The following SETBP1 variants were observed in gnomAD, a reference collection of about 807,000 sequenced individuals.
SETBP1 encodes SET binding protein 1.
SETBP1 carries 9 observed loss-of-function variants against 101.0 expected under a neutral mutation model. That is an observed-to-expected ratio of 0.09 (90% CI 0.05 to 0.16). SETBP1 has a LOEUF of 0.16. SETBP1 is among the 10% of genes least tolerant of loss of function. The pLI is 1.00. For synonymous variants in SETBP1, 818 were observed against 788.5 expected, an observed-to-expected ratio of 1.04 and a Z score of -0.63; for missense variants, 1,858 against 2,033.8, an observed-to-expected ratio of 0.91 and a Z score of 1.66.
At chr18:44,729,766 A>G (rs76752357) in intron 2 of SETBP1, among the ~76,000 whole-genome samples, 1 of 152,144 alleles carries the variant, frequency 6.6e-6, no homozygotes, top group East Asian at 1.9e-4. Context: ...ATCTTTGGAG[A>G]TTACAAGCAT....
chr18:45,043,117 T>C (rs1354324515), intron 5 of SETBP1, among the ~76,000 whole-genome samples: 1 of 152,226 alleles, frequency 6.6e-6, no homozygotes, highest in Non-Finnish European at 1.5e-5. Flanking sequence ...GGCTGATTTT[T>C]CTGATTTTCT....
chr18:44,856,795 C>A (rs1443507883), intron 2 of SETBP1, among the ~76,000 whole-genome samples: 8 of 152,292 alleles, frequency 5.3e-5, no homozygotes, highest in South Asian at 2.1e-4. Flanking sequence ...ATGGCCACTG[C>A]TGTTAACATG....
At chr18:44,939,372 T>C (rs1484166371) in intron 3 of SETBP1, among the ~76,000 whole-genome samples, 1 of 125,390 alleles carries the variant, frequency 8.0e-6, no homozygotes, top group African/African-American at 3.0e-5. Flanking sequence ...CTAGCTTCTT[T>C]GGCTCAGCAT....
intron 3 of SETBP1, among the ~76,000 whole-genome samples, chr18:44,919,639 T>A (rs1431592198): frequency 6.6e-6 from 1 of 152,018 alleles, no homozygotes; most frequent in Non-Finnish European, 1.5e-5. Flanking sequence ...TGAGCCACCA[T>A]GCCCGGCTAG....
rs780869551 is a variant in SETBP1 at position 44,952,740 on chromosome 18, C to A, written c.3400C>A (p.Pro1134Thr). Reference sequence around the variant, plus strand: ...TGGTGACATGCAGCCTTCTCTGAACCCTCCCAAGGTAGGCAGTGCCAGTCT... The same window carrying A: ...TGGTGACATGCAGCCTTCTCTGAACACTCCCAAGGTAGGCAGTGCCAGTCT... The part of the protein sequence containing the change: ...GLGDMQPSLN[P>T]PKVGSASLSS... The change falls in exon 4 of 6, where the codon CCT becomes ACT. Residue 1134 changes from proline to threonine, a missense_variant. By Grantham distance (38) the Pro-to-Thr change is conservative. This residue lies in a region of SETBP1 where 417 missense variants were observed against 389.1 expected (regional missense o/e 1.07). Transcript: ENST00000649279. The A allele has an allele frequency of 3.1e-6, 5 of 1,614,088 alleles. No individual in the cohort carries two copies. The East Asian group carries it at 1.1e-4, about 36-fold the overall frequency.
intron 3 of SETBP1, among the ~76,000 whole-genome samples, chr18:44,931,609 G>T (rs2070835797): frequency 6.6e-6 from 1 of 152,290 alleles, no homozygotes; most frequent in East Asian, 1.9e-4. Flanking sequence ...CTTGCTTTAT[G>T]AAGCTGGGTG....
At position 44,874,773 on chromosome 18, in the gene SETBP1, CAG is replaced by C. The variant is rs530830336; in HGVS notation, c.540+5493_540+5494del. Among the ~76,000 whole-genome samples, 1,108 of 152,334 alleles carry C rather than the reference CAG, an allele frequency of 7.3e-3. 9 individuals carry two copies. Among genetic ancestry groups the C allele is most frequent in the African/African-American group, 0.025 (1,037 of 41,582 alleles). ...ACAATTAGTCCTACTCAGAGATCAT[CAG>C]AGGACACAACCATCTGCAGAACAAT... On this transcript the variant is annotated intron_variant, in intron 3 of 5. Coordinates refer to ENST00000649279, the MANE Select transcript of SETBP1 (RefSeq NM_015559.3).
intron 5 of SETBP1, among the ~76,000 whole-genome samples, chr18:45,049,544 C>A (rs1331027133): frequency 6.6e-6 from 1 of 152,130 alleles, no homozygotes; most frequent in Non-Finnish European, 1.5e-5. Flanking sequence ...TCTTTGGGCT[C>A]AGATTTTTAA....
intron 4 of SETBP1, among the ~76,000 whole-genome samples, chr18:44,992,464 G>A (rs2072399498): frequency 6.6e-6 from 1 of 151,798 alleles, no homozygotes; most frequent in Admixed American, 6.5e-5. Flanking sequence ...GCAAGGGGAA[G>A]GATAGAATGC....
At chr18:44,876,322 C>G (rs1568195183) in intron 3 of SETBP1, among the ~76,000 whole-genome samples, 1 of 152,168 alleles carries the variant, frequency 6.6e-6, no homozygotes, top group Admixed American at 6.5e-5. Context: ...AATCCTGCAG[C>G]TGCTGCTTCC....
At chr18:44,845,841 C>T (rs774990221) in intron 2 of SETBP1, among the ~76,000 whole-genome samples, 12 of 152,324 alleles carry the variant, frequency 7.9e-5, no homozygotes, top group Middle Eastern at 3.4e-3. Context: ...GGGAGGGAAT[C>T]GATGTAGAAA....
chr18:45,019,038 A>T (rs2073005756), intron 4 of SETBP1, among the ~76,000 whole-genome samples: 1 of 152,114 alleles, frequency 6.6e-6, no homozygotes, highest in Non-Finnish European at 1.5e-5. Flanking sequence ...CCACCCCACC[A>T]TGTCTTCAAT....
At chr18:44,860,597 A>G (rs1437516194) in intron 2 of SETBP1, among the ~76,000 whole-genome samples, 2 of 152,150 alleles carry the variant, frequency 1.3e-5, no homozygotes, top group Admixed American at 1.3e-4. Context: ...AAAATGTAAA[A>G]TTAGCCAGGC....
intron 4 of SETBP1, among the ~76,000 whole-genome samples, chr18:45,022,734 G>A (rs2145424734): frequency 6.6e-6 from 1 of 152,292 alleles, no homozygotes; most frequent in South Asian, 2.1e-4. Context: ...GGAGGCTGAG[G>A]CAGGAGCATC....
At chr18:44,716,230 T>G (rs2069460591) in intron 2 of SETBP1, among the ~76,000 whole-genome samples, 1 of 152,238 alleles carries the variant, frequency 6.6e-6, no homozygotes, top group Admixed American at 6.5e-5. Flanking sequence ...CCTGCCATTC[T>G]GCAGGAGAGT....
intron 2 of SETBP1, among the ~76,000 whole-genome samples, chr18:44,713,616 C>A (rs1372873121): frequency 6.6e-6 from 1 of 152,200 alleles, no homozygotes; most frequent in South Asian, 2.1e-4. Flanking sequence ...GTAACCTCCT[C>A]TGTTCTAGAC....
chr18:44,849,510 CA>C (rs1228597880), intron 2 of SETBP1, among the ~76,000 whole-genome samples: 1 of 152,146 alleles, frequency 6.6e-6, no homozygotes, highest in African/African-American at 2.4e-5. Flanking sequence ...CCCTATTTGG[CA>C]GGGCACTGAA....
chr18:44,891,399 A>T (rs2069766226), intron 3 of SETBP1, among the ~76,000 whole-genome samples: 1 of 152,138 alleles, frequency 6.6e-6, no homozygotes, highest in African/African-American at 2.4e-5. Context: ...CAGTCAGCAA[A>T]CATTATTAAG....
rs763628124 is a variant in SETBP1, at chr18:44,767,544, C to T, written c.486+65712C>T. On this transcript the variant is annotated intron_variant, in intron 2 of 5. Transcript: ENST00000649279. Reference sequence around the variant, plus strand: ...GGTATTCAGCTTAGGAACTCCTTACCTCCTTAAGATGGTTATATGAAATAC... The same window carrying T: ...GGTATTCAGCTTAGGAACTCCTTACTTCCTTAAGATGGTTATATGAAATAC... 2.0e-5 allele frequency among the ~76,000 whole-genome samples: 3 copies of T among 152,298 alleles called. No individual in the cohort carries two copies. In the East Asian group the frequency reaches 5.8e-4, roughly 29 times the overall value.
Sources: allele counts gnomAD v4.1 joint callset (sites outside exome capture counted in the v4.1 genomes callset), GRCh38; gene constraint gnomAD v4.1.1; regional missense constraint gnomAD v4.1.1; transcripts MANE v1.5; gene names NCBI Gene and HGNC (gene_info 2026-07-23, HGNC 2026-07-21).